The following SORBS2 variants were observed in gnomAD, a reference collection of about 807,000 sequenced individuals.
SORBS2 encodes the protein sorbin and SH3 domain containing 2.
SORBS2 carries 46 observed loss-of-function variants against 97.7 expected under a neutral mutation model. That is an observed-to-expected ratio of 0.47 (90% CI 0.37 to 0.60). SORBS2 has a LOEUF of 0.60. SORBS2 is among the 20% of genes least tolerant of loss of function. SORBS2 has a pLI of 0.00. For synonymous variants in SORBS2, 476 were observed against 473.4 expected (o/e 1.01, Z -0.07); for missense variants, 1,316 against 1,282.3 (o/e 1.03, Z -0.40).
intron 2 of SORBS2, among the ~76,000 whole-genome samples, chr4:185,700,524 C>A (rs1379400642): frequency 1.3e-5 from 2 of 151,950 alleles, no homozygotes; most frequent in African/African-American, 2.4e-5. Context: ...TTAAATATAC[C>A]AAATTTATGC....
At chr4:185,665,566 C>A (rs1313012152) in intron 4 of SORBS2, among the ~76,000 whole-genome samples, 3 of 152,162 alleles carry the variant, frequency 2.0e-5, no homozygotes, top group South Asian at 2.1e-4. Flanking sequence ...ACTTTTTCAG[C>A]CTTAAGCAAG....
Position 185,709,304 on chromosome 4 carries a change from C to CCTTTTTTTTTTTTTTT in SORBS2, c.-197-30483_-197-30482insAAAAAAAAAAAAAAAG, listed in dbSNP as rs1554199361. Among the ~76,000 whole-genome samples the CCTTTTTTTTTTTTTTT allele has an allele frequency of 2.0e-3, 191 of 96,714 alleles. 26 individuals carry two copies. Among genetic ancestry groups the CCTTTTTTTTTTTTTTT allele is most frequent in the South Asian group, 7.0e-3 (20 of 2,844 alleles). 63.4% of individuals were successfully genotyped at this position (96,714 alleles called of 152,430 possible). A position where few individuals can be genotyped will look rare whatever the true frequency, so the allele number is the denominator to read the frequency against. ...GCATGAGCCGCTGTGCTGGCCAAAT[C>CCTTTTTTTTTTTTTTT]TTTTTTTTTTTTTTTTTTTTAGTAA... On this transcript the variant is annotated intron_variant, in intron 2 of 20. Coordinates refer to the SORBS2 transcript ENST00000284776.
chr4:185,587,892 G>T, intron 14 of SORBS2: 1 of 516,902 alleles, frequency 1.9e-6, no homozygotes, highest in South Asian at 2.5e-5. Context: ...CTGCCCCTCC[G>T]GCATAAATGC....
chr4:185,912,703 C>G (rs2099255994), intron 1 of SORBS2, among the ~76,000 whole-genome samples: 1 of 151,738 alleles, frequency 6.6e-6, no homozygotes, highest in African/African-American at 2.4e-5. Context: ...ACCTTGAGAT[C>G]CTGGCAGCTT....
chr4:185,601,912 C>T (rs2096270718), intron 12 of SORBS2, among the ~76,000 whole-genome samples: 1 of 152,220 alleles, frequency 6.6e-6, no homozygotes, highest in African/African-American at 2.4e-5. Context: ...TCTCACTCTC[C>T]TCACAGAGCT....
chr4:185,888,936 C>T (rs550697312), intron 1 of SORBS2, among the ~76,000 whole-genome samples: 1 of 152,354 alleles, frequency 6.6e-6, no homozygotes, highest in South Asian at 2.1e-4. Flanking sequence ...GCCCACCTGT[C>T]GCCTTCCAAA....
chr4:185,627,094 G>C, intron 5 of SORBS2, 75 bp from the exon 18 acceptor site: 1 of 1,322,656 alleles, frequency 7.6e-7, no homozygotes, highest in Non-Finnish European at 1.1e-6. Flanking sequence ...CCGGTGGAAC[G>C]TGCTAGTGAC....
At chr4:185,818,997 T>G (rs11728797) in intron 1 of SORBS2, among the ~76,000 whole-genome samples, 47,340 of 151,992 alleles carry the variant, frequency 0.31, 7,543 homozygotes, top group Non-Finnish European at 0.34. Context: ...GTGGACTCTT[T>G]CCTATATCTT....
At chr4:185,593,570 C>T (rs2096009234) in intron 13 of SORBS2, 1 of 301,140 alleles carries the variant, frequency 3.3e-6, no homozygotes, top group Non-Finnish European at 6.1e-6. Context: ...GTCTTTGAAG[C>T]TCGCAGTTAC....
intron 1 of SORBS2, among the ~76,000 whole-genome samples, chr4:185,903,827 T>G (rs747149776): frequency 5.9e-5 from 9 of 152,208 alleles, no homozygotes; most frequent in Non-Finnish European, 1.2e-4. Flanking sequence ...TCAAGGGAAC[T>G]ACTGAATGGA....
exon 4 of SORBS2, chr4:185,646,691 A>G: frequency 6.2e-7 from 1 of 1,612,370 alleles, no homozygotes. Flanking sequence ...TGAAGAATTG[A>G]TGACTTGCCA....
At chr4:185,906,498 C>T (rs1330294686) in intron 1 of SORBS2, among the ~76,000 whole-genome samples, 1 of 152,140 alleles carries the variant, frequency 6.6e-6, no homozygotes, top group African/African-American at 2.4e-5. Context: ...TGGGTCAAAA[C>T]CAAAACATTT....
intron 12 of SORBS2, among the ~76,000 whole-genome samples, chr4:185,610,461 C>T (rs547220951): frequency 6.6e-6 from 1 of 151,968 alleles, no homozygotes; most frequent in Non-Finnish European, 1.5e-5. Flanking sequence ...TTGGATAGTA[C>T]CAAACTCTTC....
At chr4:185,806,556 C>G (rs1202225519) in intron 1 of SORBS2, among the ~76,000 whole-genome samples, 1 of 148,342 alleles carries the variant, frequency 6.7e-6, no homozygotes, top group African/African-American at 2.5e-5. Context: ...CTCCCGGGTT[C>G]ACGCCATTCT....
intron 1 of SORBS2, among the ~76,000 whole-genome samples, chr4:185,850,644 C>T (rs1162936248): frequency 1.3e-5 from 2 of 152,162 alleles, no homozygotes; most frequent in Non-Finnish European, 2.9e-5. Context: ...GTGTGTATAT[C>T]ATATGTTTTA....
chr4:185,892,688 T>G (rs1481152042), intron 1 of SORBS2, among the ~76,000 whole-genome samples: 1 of 152,210 alleles, frequency 6.6e-6, no homozygotes, highest in African/African-American at 2.4e-5. Context: ...AAATCCTGTA[T>G]GATTCCAATC....
chr4:185,907,908 G>A (rs2099252022), intron 1 of SORBS2, among the ~76,000 whole-genome samples: 1 of 152,064 alleles, frequency 6.6e-6, no homozygotes, highest in Non-Finnish European at 1.5e-5. Flanking sequence ...ATACACAATT[G>A]TCTGCCTTTA....
At chr4:185,915,601 C>A (rs1295403623) in intron 1 of SORBS2, among the ~76,000 whole-genome samples, 1 of 152,142 alleles carries the variant, frequency 6.6e-6, no homozygotes, top group Non-Finnish European at 1.5e-5. Context: ...TTCCCTCTTT[C>A]CTTCTCTTTT....
At chr4:185,755,001 C>T (rs1257890574) in intron 2 of SORBS2, among the ~76,000 whole-genome samples, 2 of 152,230 alleles carry the variant, frequency 1.3e-5, no homozygotes, top group Non-Finnish European at 2.9e-5. Flanking sequence ...GCAGCATTAT[C>T]TCTGACAAAC....
Sources: gnomAD v4.1 joint callset for allele counts (sites outside exome capture counted in the v4.1 genomes callset) on GRCh38, gnomAD v4.1.1 for gene constraint, MANE v1.5 for transcripts, NCBI Gene and HGNC (gene_info 2026-07-23, HGNC 2026-07-21) for gene names.